The following NEK5 variants were observed in gnomAD, a reference collection of about 807,000 sequenced individuals.
NEK5 encodes serine/threonine-protein kinase Nek5.
In NEK5, 88 loss-of-function variants were observed where a neutral mutation model predicts 109.2. The observed-to-expected ratio is 0.81, with a 90% CI of 0.68 to 0.96. NEK5 has a LOEUF of 0.96. NEK5 is among the 40% of genes least tolerant of loss of function. The probability of loss-of-function intolerance (pLI) is 0.00; values close to 1 mark genes in which losing one functional copy is unlikely to be tolerated. For synonymous variants in NEK5, 283 were observed against 299.9 expected, an observed-to-expected ratio of 0.94 and a Z score of 0.58; for missense variants, 834 against 920.7, an observed-to-expected ratio of 0.91 and a Z score of 1.22.
intron 4 of NEK5, among the ~76,000 whole-genome samples, chr13:52,117,367 C>A (rs546354531): frequency 2.0e-5 from 3 of 152,262 alleles, no homozygotes; most frequent in Non-Finnish European, 4.4e-5. Context: ...CTCAGTAGTT[C>A]AAGTCCCAGC....
intron 5 of NEK5, 36 bp downstream of exon 5, chr13:52,112,232 A>T: frequency 9.0e-7 from 1 of 1,114,568 alleles, no homozygotes; most frequent in Non-Finnish European, 1.4e-6. Flanking sequence ...CCCACCACAC[A>T]TACATAAAAT....
At chr13:52,115,601 CAAAAAA>C (rs71088014) in intron 4 of NEK5, among the ~76,000 whole-genome samples, 11 of 49,222 alleles carry the variant, frequency 2.2e-4, no homozygotes, top group East Asian at 1.4e-3. Context: ...GAGACTCCGT[CAAAAAA>C]AAAAAAAAAA....
chr13:52,040,019 G>A (rs914693357), intron 23 of NEK5, among the ~76,000 whole-genome samples: 1 of 151,254 alleles, frequency 6.6e-6, no homozygotes, highest in African/African-American at 2.4e-5. Context: ...TGAGGACACA[G>A]CTAGCAGGTG....
intron 11 of NEK5, among the ~76,000 whole-genome samples, chr13:52,101,293 G>A (rs1002166570): frequency 6.6e-6 from 1 of 152,088 alleles, no homozygotes; most frequent in Non-Finnish European, 1.5e-5. Context: ...CCAGCTACTC[G>A]GGAGGCTGAG....
At chr13:52,086,027 A>T (rs1279922114) in intron 16 of NEK5, among the ~76,000 whole-genome samples, 1 of 152,212 alleles carries the variant, frequency 6.6e-6, no homozygotes, top group Non-Finnish European at 1.5e-5. Context: ...ACAATCAATA[A>T]GTACTTTTAA....
At chr13:52,055,767 C>T (rs965619703) in intron 22 of NEK5, among the ~76,000 whole-genome samples, 14 of 152,026 alleles carry the variant, frequency 9.2e-5, no homozygotes, top group African/African-American at 2.4e-4. Flanking sequence ...TTGTCACCAC[C>T]GGCCTGCCCT....
chr13:52,082,062 T>A (rs971016059), intron 17 of NEK5, among the ~76,000 whole-genome samples: 4 of 152,236 alleles, frequency 2.6e-5, no homozygotes, highest in African/African-American at 9.6e-5. Flanking sequence ...ATGCCTATAA[T>A]CCCAGCACTT....
At chr13:52,046,233 T>C (rs901124419) in intron 23 of NEK5, among the ~76,000 whole-genome samples, 24 of 151,436 alleles carry the variant, frequency 1.6e-4, no homozygotes, top group African/African-American at 5.6e-4. Context: ...TCTTAACCCC[T>C]TGGGGGGCCA....
intron 21 of NEK5, chr13:52,065,089 CTCT>C (rs1192495183): frequency 4.1e-6 from 1 of 245,536 alleles, no homozygotes; most frequent in Non-Finnish European, 8.1e-6. Flanking sequence ...CCAAATCCCC[CTCT>C]GCGAGAAACA....
chr13:52,119,427 T>G lies in NEK5; in HGVS notation c.118-12A>C, dbSNP rs1284762328. The G allele has an allele frequency of 4.9e-6, 7 of 1,424,266 alleles. No homozygotes were observed. The highest frequency in any genetic ancestry group is 5.9e-6 in the Non-Finnish European group (6 of 1,018,294). 88.2% of individuals were successfully genotyped at this position (1,424,266 alleles called of 1,614,324 possible). ...TCTTGTATGGGCATCTAAATTACAT[T>G]AAGAGACAGAGTAGTCTATAAAGCT... On this transcript the variant is annotated splice_polypyrimidine_tract_variant and intron_variant, in intron 3 of 23. Transcript: ENST00000684899.
chr13:52,094,240 G>A (rs1955356073), intron 12 of NEK5, among the ~76,000 whole-genome samples: 1 of 152,158 alleles, frequency 6.6e-6, no homozygotes, highest in Non-Finnish European at 1.5e-5. Flanking sequence ...AGACCTTCTT[G>A]CTAAAGAGCA....
chr13:52,056,466 C>T (rs1385619143), intron 22 of NEK5, among the ~76,000 whole-genome samples: 2 of 150,034 alleles, frequency 1.3e-5, no homozygotes, highest in Non-Finnish European at 3.0e-5. Context: ...ATCTACAGAA[C>T]TCTCCACCCC....
At chr13:52,113,823 G>A (rs1955801463) in intron 4 of NEK5, among the ~76,000 whole-genome samples, 1 of 152,100 alleles carries the variant, frequency 6.6e-6, no homozygotes, top group African/African-American at 2.4e-5. Context: ...TGAGGGTGGA[G>A]CCCACATTAA....
intron 23 of NEK5, among the ~76,000 whole-genome samples, chr13:52,047,715 A>G (rs1593916753): frequency 6.6e-6 from 1 of 152,082 alleles, no homozygotes; most frequent in East Asian, 1.9e-4. Flanking sequence ...GTGGCATGCT[A>G]CACCTGTAGT....
chr13:52,112,687 T>A (rs1049387066), intron 4 of NEK5, among the ~76,000 whole-genome samples: 2 of 152,202 alleles, frequency 1.3e-5, no homozygotes, highest in Admixed American at 6.5e-5. Flanking sequence ...TTTGAGAGGT[T>A]AGAAATCTGC....
intron 5 of NEK5, among the ~76,000 whole-genome samples, chr13:52,110,863 G>C (rs899779710): frequency 1.3e-5 from 2 of 152,140 alleles, no homozygotes; most frequent in Admixed American, 6.6e-5. Flanking sequence ...AAGGGAAAGA[G>C]GCATGCCGTT....
At chr13:52,042,161 AGACTC>A (rs1442895350) in intron 23 of NEK5, among the ~76,000 whole-genome samples, 1 of 151,990 alleles carries the variant, frequency 6.6e-6, no homozygotes, top group Non-Finnish European at 1.5e-5. Flanking sequence ...TTACTGCTGA[AGACTC>A]AAGTCAAAAC....
Position 52,091,492 on chromosome 13 carries a change from G to A in NEK5, c.1208+1562C>T, listed in dbSNP as rs375435173. Among the ~76,000 whole-genome samples, 5 of 152,206 alleles carry A rather than the reference G, an allele frequency of 3.3e-5. No homozygotes were observed. The South Asian group carries it at 1.0e-3, about 31-fold the overall frequency. ...TAAAGATAAAACATATGCTTTTCCC[G>A]TTATATGTTTCTGAAGAAATTATTC... On this transcript the variant is annotated intron_variant, in intron 13 of 23. Coordinates refer to ENST00000684899, the MANE Select transcript of NEK5 (RefSeq NM_001365552.1).
chr13:52,117,133 G>A (rs1199123722), intron 4 of NEK5, among the ~76,000 whole-genome samples: 1 of 152,134 alleles, frequency 6.6e-6, no homozygotes, highest in Non-Finnish European at 1.5e-5. Flanking sequence ...TGGCCAGGCT[G>A]GTCTTGAACT....
Sources: allele counts gnomAD v4.1 joint callset (sites outside exome capture counted in the v4.1 genomes callset), GRCh38; gene constraint gnomAD v4.1.1; transcripts MANE v1.5; gene names NCBI Gene and HGNC (gene_info 2026-07-23, HGNC 2026-07-21).